The following RNF150 variants were observed in gnomAD, a reference collection of about 807,000 sequenced individuals.
RNF150 encodes the protein ring finger protein 150.
Under a neutral mutation model 39.3 loss-of-function variants are expected in RNF150, and 24 were observed. The observed-to-expected ratio is 0.61, with a 90% CI of 0.44 to 0.86. RNF150 has a LOEUF of 0.86. Ranked by LOEUF, RNF150 falls within the 40% of genes least tolerant of loss-of-function variation. The pLI is 0.00. For synonymous variants in RNF150, 255 were observed against 227.3 expected, an observed-to-expected ratio of 1.12 and a Z score of -1.10; for missense variants, 502 against 587.8, an observed-to-expected ratio of 0.85 and a Z score of 1.51.
intron 1 of RNF150, among the ~76,000 whole-genome samples, chr4:141,207,363 G>T (rs1046790729): frequency 6.6e-5 from 10 of 152,054 alleles, no homozygotes; most frequent in African/African-American, 2.4e-4. Flanking sequence ...TGCAGCAGAA[G>T]GAAAAAAATC....
intron 1 of RNF150, among the ~76,000 whole-genome samples, chr4:141,029,615 G>A (rs1735847557): frequency 1.3e-5 from 2 of 152,176 alleles, no homozygotes; most frequent in Admixed American, 6.5e-5. Flanking sequence ...CAAAGTCAAT[G>A]CTAATTTGGG....
intron 1 of RNF150, among the ~76,000 whole-genome samples, chr4:141,157,589 C>G (rs1001914257): frequency 4.6e-5 from 7 of 152,168 alleles, no homozygotes; most frequent in African/African-American, 9.7e-5. Context: ...CATATTTTAG[C>G]TTTCAGAAGG....
At chr4:141,189,407 T>A (rs1453712710) in intron 1 of RNF150, among the ~76,000 whole-genome samples, 1 of 152,172 alleles carries the variant, frequency 6.6e-6, no homozygotes, top group East Asian at 1.9e-4. Flanking sequence ...AGTCTGTCCC[T>A]TAGCAGAGCT....
Position 140,903,622 on chromosome 4 carries a change from C to T in RNF150, c.1198+7522G>A, listed in dbSNP as rs189829602. Among the ~76,000 whole-genome samples, 51 of 152,276 alleles carry T rather than the reference C, an allele frequency of 3.3e-4. No individual in the cohort carries two copies. In the East Asian group the frequency reaches 4.6e-3, roughly 14 times the overall value. ...CAGGTCTGCCCCCCAGCCCTTTGCC[C>T]GGCTTATGCTGGTAACAGTTGCTGA... On this transcript the variant is annotated intron_variant, in intron 6 of 6. Transcript: ENST00000515673.
intron 1 of RNF150, among the ~76,000 whole-genome samples, chr4:141,179,433 ATATTCTG>A (rs1371520044): frequency 6.6e-6 from 1 of 152,216 alleles, no homozygotes; most frequent in African/African-American, 2.4e-5. Context: ...GATTGTATAA[ATATTCTG>A]TATTCTTTTG....
intron 4 of RNF150, among the ~76,000 whole-genome samples, chr4:140,930,201 C>T (rs13118519): frequency 0.51 from 77,642 of 151,950 alleles, 19,881 homozygotes; most frequent in Middle Eastern, 0.66. Context: ...AACCCTGAGG[C>T]TTCTCTGAGA....
chr4:141,183,089 C>T (rs1406352021), intron 1 of RNF150, among the ~76,000 whole-genome samples: 2 of 152,190 alleles, frequency 1.3e-5, no homozygotes, highest in South Asian at 2.1e-4. Context: ...TGTCAGACAA[C>T]TTTGAGAGAA....
intron 6 of RNF150, among the ~76,000 whole-genome samples, chr4:140,874,292 C>G (rs893031903): frequency 1.3e-5 from 2 of 152,110 alleles, no homozygotes; most frequent in African/African-American, 4.8e-5. Flanking sequence ...TTCTTTCCAA[C>G]CCTGAGAAGA....
chr4:141,110,202 C>T (rs1739341901), intron 1 of RNF150, among the ~76,000 whole-genome samples: 2 of 152,150 alleles, frequency 1.3e-5, no homozygotes, highest in African/African-American at 4.8e-5. Flanking sequence ...AATGGCAGGA[C>T]GTCAATCCTT....
intron 1 of RNF150, among the ~76,000 whole-genome samples, chr4:141,101,289 G>T (rs1739000153): frequency 6.6e-6 from 1 of 151,908 alleles, no homozygotes; most frequent in African/African-American, 2.4e-5. Flanking sequence ...TCTATACTTT[G>T]TCTATTTTTA....
At chr4:140,961,138 C>T (rs184481439) in intron 2 of RNF150, among the ~76,000 whole-genome samples, 22 of 152,280 alleles carry the variant, frequency 1.4e-4, no homozygotes, top group Admixed American at 1.3e-3. Flanking sequence ...GGCACACCAG[C>T]CAAATCTTCT....
chr4:140,959,900 A>G (rs1319529908), intron 2 of RNF150, among the ~76,000 whole-genome samples: 1 of 152,126 alleles, frequency 6.6e-6, no homozygotes, highest in Non-Finnish European at 1.5e-5. Flanking sequence ...CTCAGGCTAC[A>G]GAGCGCTTCT....
At chr4:141,004,229 T>TAA (rs11413709) in intron 1 of RNF150, among the ~76,000 whole-genome samples, 3,852 of 129,510 alleles carry the variant, frequency 0.03, 182 homozygotes, top group African/African-American at 0.1. Context: ...CAGATGTTAG[T>TAA]AAAAAAAAAA....
At chr4:141,058,665 A>T (rs948997541) in intron 1 of RNF150, among the ~76,000 whole-genome samples, 3 of 152,210 alleles carry the variant, frequency 2.0e-5, no homozygotes, top group Non-Finnish European at 4.4e-5. Context: ...CTCATTTCAA[A>T]ATAGGGGAAC....
intron 4 of RNF150, among the ~76,000 whole-genome samples, chr4:140,929,582 G>T (rs1477949040): frequency 1.3e-5 from 2 of 151,862 alleles, no homozygotes; most frequent in Non-Finnish European, 2.9e-5. Context: ...TGGCCAGGAT[G>T]GTCTCGATCT....
chr4:141,067,229 T>A (rs1560719191), intron 1 of RNF150, among the ~76,000 whole-genome samples: 1 of 152,220 alleles, frequency 6.6e-6, no homozygotes, highest in Non-Finnish European at 1.5e-5. Context: ...TTAGAAAACA[T>A]GTATATAGAG....
chr4:141,191,186 G>A (rs1728105469), intron 1 of RNF150, among the ~76,000 whole-genome samples: 1 of 152,206 alleles, frequency 6.6e-6, no homozygotes, highest in Non-Finnish European at 1.5e-5. Context: ...GCTAAGTTAG[G>A]ACTGATCCTA....
chr4:140,926,777 G>A (rs758811881), intron 4 of RNF150, among the ~76,000 whole-genome samples: 2 of 152,186 alleles, frequency 1.3e-5, no homozygotes, highest in Non-Finnish European at 2.9e-5. Flanking sequence ...TCTGAACTTC[G>A]CTTGAAAGAG....
At chr4:140,999,969 G>GAAGAAGAAGAAGGAGGAGGAGGAAGAA (rs1560678529) in intron 1 of RNF150, among the ~76,000 whole-genome samples, 1 of 31,004 alleles carries the variant, frequency 3.2e-5, no homozygotes, top group African/African-American at 6.8e-5. Context: ...AGAAGAAGAA[G>GAAGAAGAAGAAGGAGGAGGAGGAAGAA]AAGAAGAAAA....
Sources: allele counts gnomAD v4.1 joint callset (sites outside exome capture counted in the v4.1 genomes callset), GRCh38; gene constraint gnomAD v4.1.1; transcripts MANE v1.5; gene names NCBI Gene and HGNC (gene_info 2026-07-23, HGNC 2026-07-21).